Variants in STPG2 observed in about 807,000 individuals in gnomAD.
The protein encoded by STPG2 is sperm tail PG-rich repeat containing 2.
STPG2 carries 56 observed loss-of-function variants against 54.2 expected under a neutral mutation model. The observed-to-expected ratio is 1.03, with a 90% CI of 0.83 to 1.29. The LOEUF (loss-of-function observed/expected upper bound fraction) is 1.29, where lower values mean the gene tolerates loss of function less well. STPG2 is among the 50% of genes most tolerant of loss of function. The pLI is 0.00. For synonymous variants in STPG2, 200 were observed against 181.8 expected (o/e 1.10, Z -0.81); for missense variants, 596 against 544.9 (o/e 1.09, Z -0.93).
At chr4:97,864,050 C>T (rs1002830624) in intron 8 of STPG2, among the ~76,000 whole-genome samples, 5 of 152,236 alleles carry the variant, frequency 3.3e-5, no homozygotes, top group Middle Eastern at 6.8e-3. Flanking sequence ...GACAGGGATG[C>T]CCTCTCTCAC....
At chr4:97,672,288 C>T (rs1236229649) in intron 10 of STPG2, among the ~76,000 whole-genome samples, 1 of 151,022 alleles carries the variant, frequency 6.6e-6, no homozygotes, top group African/African-American at 2.4e-5. Context: ...ATTCTCCTGC[C>T]TCAGTCTCCT....
At chr4:98,101,442 C>G (rs1454981685) in intron 5 of STPG2, among the ~76,000 whole-genome samples, 2 of 151,908 alleles carry the variant, frequency 1.3e-5, no homozygotes, top group African/African-American at 2.4e-5. Flanking sequence ...TTGCCCATCC[C>G]AAGGCTAAGT....
intron 10 of STPG2, among the ~76,000 whole-genome samples, chr4:97,674,044 G>A (rs1578470374): frequency 6.6e-6 from 1 of 152,110 alleles, no homozygotes; most frequent in African/African-American, 2.4e-5. Flanking sequence ...AGTCTAGACT[G>A]AAATATTCTC....
At chr4:97,878,247 C>T (rs937366788) in intron 8 of STPG2, among the ~76,000 whole-genome samples, 5 of 152,116 alleles carry the variant, frequency 3.3e-5, no homozygotes, top group Non-Finnish European at 5.9e-5. Flanking sequence ...GGAGGATCTA[C>T]CATTCTGAGG....
Position 97,859,090 on chromosome 4 carries a change from G to A in STPG2, c.1045-18158C>T, listed in dbSNP as rs1301295097. Among the ~76,000 whole-genome samples, 2 of 152,042 alleles carry A rather than the reference G, an allele frequency of 1.3e-5. 1 individual carries two copies. Among genetic ancestry groups the A allele is most frequent in the Non-Finnish European group, 2.9e-5 (2 of 68,016 alleles). On this transcript the variant is annotated intron_variant, in intron 8 of 10. Transcript: ENST00000295268. ...AAATTTTTAAATTATGGCCATTCTT[G>A]CAGGAGTAAGGTGGAATCTCATTGT...
At chr4:97,802,709 T>G (rs1282149615) in intron 9 of STPG2, among the ~76,000 whole-genome samples, 1 of 151,932 alleles carries the variant, frequency 6.6e-6, no homozygotes, top group Non-Finnish European at 1.5e-5. Flanking sequence ...GACCTCAGTT[T>G]ATCCACGCAC....
chr4:97,493,032 A>G (rs1380305097), intron 4 of STPG2, among the ~76,000 whole-genome samples: 1 of 150,302 alleles, frequency 6.7e-6, no homozygotes, highest in Non-Finnish European at 1.5e-5. Context: ...CCAGGCCTTA[A>G]GAAGGCCTGA....
chr4:97,712,874 T>G, intron 9 of STPG2, 60 bp from the exon 10 acceptor site: 1 of 1,225,908 alleles, frequency 8.2e-7, no homozygotes, highest in African/African-American at 1.6e-5. Flanking sequence ...TTGATTTTGG[T>G]CATATGAATA....
chr4:97,892,831 C>T (rs1730824002), intron 8 of STPG2, among the ~76,000 whole-genome samples: 1 of 152,122 alleles, frequency 6.6e-6, no homozygotes, highest in African/African-American at 2.4e-5. Context: ...ACCTGCTTTG[C>T]ATAGCCCACT....
chr4:97,948,724 G>C (rs1168090199), intron 7 of STPG2, among the ~76,000 whole-genome samples: 1 of 151,998 alleles, frequency 6.6e-6, no homozygotes, highest in East Asian at 1.9e-4. Context: ...ATAGTTTTGA[G>C]GGTTTCTTCT....
At chr4:97,462,462 T>C (rs577858853) in intron 4 of STPG2, among the ~76,000 whole-genome samples, 1 of 152,044 alleles carries the variant, frequency 6.6e-6, no homozygotes, top group Non-Finnish European at 1.5e-5. Flanking sequence ...AGATTTTTAA[T>C]TGGGATTACA....
rs1735200635 is a variant in STPG2 at position 97,996,129 on chromosome 4, G to A, written c.613-14811C>T. Among the ~76,000 whole-genome samples, 5 of 152,168 alleles carry A rather than the reference G, an allele frequency of 3.3e-5. No homozygotes were observed. In the South Asian group the frequency reaches 1.0e-3, roughly 31 times the overall value. On this transcript the variant is annotated intron_variant, in intron 5 of 10. Coordinates refer to ENST00000295268, the MANE Select transcript of STPG2 (RefSeq NM_174952.3). ...ATTGAACCAAAAAAGAGACTGAATT[G>A]TCAGAGTAATTCTAAGCAAAAAGAA...
At chr4:97,691,523 C>T (rs1348251402) in intron 10 of STPG2, among the ~76,000 whole-genome samples, 1 of 152,036 alleles carries the variant, frequency 6.6e-6, no homozygotes, top group African/African-American at 2.4e-5. Flanking sequence ...ACCCAGCAAG[C>T]CCTGCCCAAG....
intron 7 of STPG2, among the ~76,000 whole-genome samples, chr4:97,950,126 T>A (rs1321048631): frequency 6.6e-6 from 1 of 152,058 alleles, no homozygotes; most frequent in Non-Finnish European, 1.5e-5. Context: ...AATTTTTTCA[T>A]TCATATCCTG....
intron 5 of STPG2, among the ~76,000 whole-genome samples, chr4:97,991,562 CAT>C (rs1441901303): frequency 6.6e-6 from 1 of 151,596 alleles, no homozygotes. Flanking sequence ...CTGCTATAAA[CAT>C]GTGTGTGCAA....
At chr4:97,843,785 G>C (rs72686424) in intron 8 of STPG2, among the ~76,000 whole-genome samples, 24,452 of 151,714 alleles carry the variant, frequency 0.16, 2,133 homozygotes, top group East Asian at 0.36. Context: ...CACATACTTT[G>C]TGATTTTATT....
At chr4:97,780,042 C>T (rs2149070541) in intron 9 of STPG2, among the ~76,000 whole-genome samples, 1 of 147,426 alleles carries the variant, frequency 6.8e-6, no homozygotes, top group East Asian at 2.0e-4. Flanking sequence ...AAATAACCAG[C>T]TAACATCAGA....
intron 9 of STPG2, among the ~76,000 whole-genome samples, chr4:97,796,413 A>C (rs1390761182): frequency 6.6e-6 from 1 of 152,194 alleles, no homozygotes; most frequent in Non-Finnish European, 1.5e-5. Flanking sequence ...TCAGCTTTCT[A>C]CATATGGCTA....
intron 4 of STPG2, among the ~76,000 whole-genome samples, chr4:97,485,004 C>T (rs1387172192): frequency 6.6e-6 from 1 of 151,756 alleles, no homozygotes; most frequent in Non-Finnish European, 1.5e-5. Context: ...TGACAACATC[C>T]AGCATCCCTT....
Sources: gnomAD v4.1 joint callset for allele counts (sites outside exome capture counted in the v4.1 genomes callset) on GRCh38, gnomAD v4.1.1 for gene constraint, MANE v1.5 for transcripts, NCBI Gene and HGNC (gene_info 2026-07-23, HGNC 2026-07-21) for gene names.